TNRC6B: variants seen among roughly 807,000 people sequenced by gnomAD.
TNRC6B encodes the protein trinucleotide repeat containing adaptor 6B.
In TNRC6B, 52 loss-of-function variants were observed where a neutral mutation model predicts 203.6. The ratio of observed to expected loss-of-function variants is 0.26; its 90% CI spans 0.20 to 0.32. The LOEUF (loss-of-function observed/expected upper bound fraction) is 0.32, where lower values mean the gene tolerates loss of function less well. TNRC6B is among the 10% of genes least tolerant of loss of function. The probability of loss-of-function intolerance (pLI) is 1.00; values close to 1 mark genes in which losing one functional copy is unlikely to be tolerated. For synonymous variants in TNRC6B, 838 were observed against 845.7 expected (o/e 0.99, Z 0.16); for missense variants, 1,923 against 2,286.2 (o/e 0.84, Z 3.24).
intron 3 of TNRC6B, among the ~76,000 whole-genome samples, chr22:40,150,411 CA>C (rs1221114284): frequency 2.0e-5 from 3 of 152,062 alleles, no homozygotes; most frequent in Non-Finnish European, 4.4e-5. Context: ...ATGATTTCAG[CA>C]AGCATAAATC....
Position 40,334,591 on chromosome 22 carries a change from A to G in TNRC6B, c.*11350A>G, listed in dbSNP as rs923403681. On this transcript the variant is annotated 3_prime_UTR_variant, in exon 23 of 23. Transcript: ENST00000454349. ...GACTATTTTATCTGTCTCCATTTAG[A>G]TGGAGATATAAATGCTGCTTTGGGT... The G allele has an allele frequency of 6.6e-6, 1 of 152,548 alleles. No homozygotes were observed. Among genetic ancestry groups the G allele is most frequent in the Non-Finnish European group, 1.5e-5 (1 of 68,022 alleles). 9.4% of individuals were successfully genotyped at this position (152,548 alleles called of 1,614,324 possible).
intron 1 of TNRC6B, among the ~76,000 whole-genome samples, chr22:40,219,731 A>G (rs1405244567): frequency 6.6e-6 from 1 of 151,798 alleles, no homozygotes; most frequent in Non-Finnish European, 1.5e-5. Flanking sequence ...TGAGTTCTCA[A>G]ATGTCCCCCC....
chr22:40,200,068 G>A (rs1239654420), intron 1 of TNRC6B, among the ~76,000 whole-genome samples: 1 of 151,778 alleles, frequency 6.6e-6, no homozygotes, highest in Non-Finnish European at 1.5e-5. Context: ...CAAAGTGCTG[G>A]GTTTACAGGT....
chr22:40,156,029 G>A (rs940387404), intron 3 of TNRC6B: 12 of 1,259,456 alleles, frequency 9.5e-6, no homozygotes, highest in Non-Finnish European at 1.1e-5. Context: ...CGGCCCTGTG[G>A]TTCTGCACAG....
At chr22:40,185,419 C>T (rs913599169) in intron 1 of TNRC6B, among the ~76,000 whole-genome samples, 3 of 152,232 alleles carry the variant, frequency 2.0e-5, no homozygotes, top group African/African-American at 7.2e-5. Flanking sequence ...AGGCCATATA[C>T]TCTCATTACC....
At chr22:40,170,821 GTGTGTATATACATATATGTACATATATGT>G (rs2068981909) in intron 4 of TNRC6B, among the ~76,000 whole-genome samples, 2 of 59,400 alleles carry the variant, frequency 3.4e-5, no homozygotes, top group African/African-American at 3.4e-4. Flanking sequence ...ACATATATGT[GTGTGTATATACATATATGTACATATATGT>G]GTGTATATAT....
rs1386598729 is a variant in TNRC6B, at chr22:40,171,042, A to G, written c.113+14860A>G. Among the ~76,000 whole-genome samples, 20 of 18,776 alleles carry G rather than the reference A, an allele frequency of 1.1e-3. 1 individual carries two copies. The South Asian group carries it at 0.052, about 49-fold the overall frequency. The allele number at this position is 18,776 out of a possible 152,430, so 12.3% of individuals were successfully genotyped here. On this transcript the variant is annotated intron_variant, in intron 4 of 23. Coordinates refer to the TNRC6B transcript ENST00000301923. ...ATGACATATACACCTATATAGGTGT[A>G]TATATATATACACATACATGTATCT... is the stretch of plus-strand genomic sequence containing the variant.
Position 40,266,864 on chromosome 22 carries a change from A to G in TNRC6B, c.2634A>G (p.Pro878=). Residue 878 remains proline (P), a synonymous_variant, in exon 5 of 23, where the codon CCA becomes CCG. Coordinates refer to ENST00000454349, the MANE Select transcript of TNRC6B (RefSeq NM_001162501.2). ...KDEEPSGWEE[P]SPQSISRKMD... ...AGGAACCCAGTGGTTGGGAAGAGCC[A>G]TCCCCACAGTCAATTAGTCGGAAAA... 1.2e-6 allele frequency: 2 copies of G among 1,614,024 alleles called. No homozygotes were observed. Among genetic ancestry groups the G allele is most frequent in the Non-Finnish European group, 1.7e-6 (2 of 1,179,900 alleles).
chr22:40,319,417 CTTTTCTT>C (rs2071304816), intron 21 of TNRC6B, among the ~76,000 whole-genome samples: 1 of 115,286 alleles, frequency 8.7e-6, no homozygotes. Flanking sequence ...TATAACTTTT[CTTTTCTT>C]TTTTTTTTTT....
At chr22:40,179,275 A>G (rs2069103828) in intron 1 of TNRC6B, among the ~76,000 whole-genome samples, 1 of 152,126 alleles carries the variant, frequency 6.6e-6, no homozygotes. Flanking sequence ...AGTGTGATGT[A>G]ATGCTTCTCG....
Position 40,063,678 on chromosome 22 carries a change from CTTTTTTCTTTTTCT to C in TNRC6B, c.-121+18693_-121+18706del, listed in dbSNP as rs529340083. Among the ~76,000 whole-genome samples, 38 of 151,554 alleles carry C rather than the reference CTTTTTTCTTTTTCT, an allele frequency of 2.5e-4. No individual in the cohort carries two copies. The East Asian group carries it at 3.7e-3, about 15-fold the overall frequency. Reference sequence around the variant, plus strand: ...ATTCTTTTTGATGTTAGGTTTTTTTCTTTTTTCTTTTTCTTTTTTTCTTTTTTTTCGTTTTTGTT... The same window carrying C: ...ATTCTTTTTGATGTTAGGTTTTTTTCTTTTTTCTTTTTTTTCGTTTTTGTT... On this transcript the variant is annotated intron_variant, in intron 1 of 23. Coordinates refer to the TNRC6B transcript ENST00000301923.
rs190482772 is a variant in TNRC6B at position 40,272,864 on chromosome 22, C to A, written c.2966-561C>A. ...TCTAATACATTTTAGATTTCCATGG[C>A]TATATGTGAATTTTTCTTCTTTCAC... On this transcript the variant is annotated intron_variant, in intron 6 of 22. Coordinates refer to ENST00000454349, the MANE Select transcript of TNRC6B (RefSeq NM_001162501.2). Among the ~76,000 whole-genome samples the A allele has an allele frequency of 7.2e-5, 11 of 152,218 alleles. No individual in the cohort carries two copies. The East Asian group carries it at 1.5e-3, about 21-fold the overall frequency.
intron 1 of TNRC6B, among the ~76,000 whole-genome samples, chr22:40,220,826 T>A (rs970103782): frequency 2.6e-5 from 4 of 152,164 alleles, no homozygotes; most frequent in African/African-American, 9.7e-5. Context: ...TTGGTGTGTT[T>A]GGAGAGCAGT....
intron 3 of TNRC6B, among the ~76,000 whole-genome samples, chr22:40,154,853 AAAAAAAAAT>A (rs1211201367): frequency 6.4e-5 from 4 of 62,080 alleles, no homozygotes; most frequent in African/African-American, 3.2e-4. Flanking sequence ...AAAAAAAAAA[AAAAAAAAAT>A]ATATATATAT....
intron 3 of TNRC6B, among the ~76,000 whole-genome samples, chr22:40,253,176 G>T (rs2070219491): frequency 6.6e-6 from 1 of 151,050 alleles, no homozygotes; most frequent in South Asian, 2.1e-4. Context: ...CCGCCTCCCG[G>T]GTTCACGCCA....
At chr22:40,088,614 G>GTGTGTGTGTT (rs2146294943) in intron 1 of TNRC6B, among the ~76,000 whole-genome samples, 1 of 150,448 alleles carries the variant, frequency 6.6e-6, no homozygotes, top group Non-Finnish European at 1.5e-5. Flanking sequence ...GTGTGTGTGT[G>GTGTGTGTGTT]TGTGTGTGTG....
chr22:40,080,849 T>C (rs2068058259), intron 1 of TNRC6B, among the ~76,000 whole-genome samples: 3 of 151,936 alleles, frequency 2.0e-5, no homozygotes, highest in Admixed American at 2.0e-4. Context: ...TTTTTTTTTT[T>C]TTCATGTATA....
chr22:40,265,861 A>G lies in TNRC6B; in HGVS notation c.1631A>G (p.His544Arg). Residue 544 changes from histidine (H) to arginine (R), a missense_variant, in exon 5 of 23, where the codon CAC becomes CGC. Physicochemically the swap from His to Arg is conservative, Grantham distance 29. Around this residue, in one of 8 missense-constraint regions of TNRC6B, gnomAD observed 614 missense variants for 587.7 expected, o/e 1.04. Coordinates refer to ENST00000454349, the MANE Select transcript of TNRC6B (RefSeq NM_001162501.2). ...STGAWDNQKG[H>R]PLPENQGNAQ... is the part of the protein sequence containing the mutation. ...GGAGCATGGGACAATCAAAAGGGCC[A>G]CCCCCTCCCTGAAAACCAAGGCAAT... 1.2e-6 allele frequency: 2 copies of G among 1,613,930 alleles called. No homozygotes were observed. Among genetic ancestry groups the G allele is most frequent in the Non-Finnish European group, 1.7e-6 (2 of 1,179,882 alleles).
At position 40,280,053 on chromosome 22, in the gene TNRC6B, T is replaced by G. The variant is rs2070703641; in HGVS notation, c.3321T>G (p.Phe1107Leu). 6.2e-7 allele frequency: 1 copy of G among 1,613,848 alleles called. No homozygotes were observed. Among genetic ancestry groups the G allele is most frequent in the African/African-American group, 1.3e-5 (1 of 74,936 alleles). The part of the protein sequence containing the change: ...VDKRAMNLGD[F>L]NDIMRKDRSG... ...AGCGAGCGATGAATCTCGGGGATTT[T>G]AATGATATCATGAGGAAGGATCGAT... is the stretch of plus-strand genomic sequence containing the variant. Residue 1107 changes from phenylalanine to leucine, a missense_variant, in exon 10 of 23, where the codon TTT (phenylalanine) becomes TTG (leucine). This residue lies in a region of TNRC6B where 599 missense variants were observed against 656.5 expected (regional missense o/e 0.91). Transcript: ENST00000454349.
Sources: gnomAD v4.1 joint callset for allele counts (sites outside exome capture counted in the v4.1 genomes callset) on GRCh38, gnomAD v4.1.1 for gene constraint, gnomAD v4.1.1 regional missense constraint, MANE v1.5 for transcripts, NCBI Gene and HGNC (gene_info 2026-07-23, HGNC 2026-07-21) for gene names.